Variants in TMEM223 observed in about 807,000 individuals in gnomAD.
TMEM223 encodes transmembrane protein 223.
A neutral mutation model predicts 14.1 loss-of-function variants in TMEM223; 14 were observed. That is an observed-to-expected ratio of 0.99 (90% CI 0.66 to 1.55). The LOEUF (loss-of-function observed/expected upper bound fraction) is 1.55. Ranked by LOEUF, TMEM223 falls within the 40% of genes most tolerant of loss-of-function variation. TMEM223 has a pLI of 0.00. For synonymous variants in TMEM223, 145 were observed against 120.5 expected (o/e 1.20, Z -1.33); for missense variants, 346 against 269.9 (o/e 1.28, Z -1.97).
At chr11:62,786,922 G>A (rs1291294081), downstream of TMEM223, 1 of 1,492,402 alleles carries the variant, frequency 6.7e-7, no homozygotes, top group African/African-American at 1.5e-5. Context: ...CCCGCACGGC[G>A]ACGAGAGCCC....
chr11:62,787,203 G>T (rs374021951), downstream of TMEM223: 48 of 1,588,074 alleles, frequency 3.0e-5, no homozygotes, highest in Non-Finnish European at 3.9e-5. Context: ...GCCCGGCCTC[G>T]CGCTACGTGC....
downstream of TMEM223, among the ~76,000 whole-genome samples, chr11:62,785,867 C>T (rs899148756): frequency 1.3e-5 from 2 of 152,154 alleles, no homozygotes; most frequent in Non-Finnish European, 2.9e-5. Flanking sequence ...TAATCAGAGT[C>T]CAAGTCTCTG....
chr11:62,787,354 C>T (rs1173774710), downstream of TMEM223: 11 of 1,537,432 alleles, frequency 7.2e-6, no homozygotes, highest in African/African-American at 4.2e-5. Flanking sequence ...GACGTCTCCA[C>T]CTTCGTGGGT....
Position 62,790,426 on chromosome 11 carries a change from T to C in TMEM223, c.*197A>G. 1.7e-6 allele frequency: 1 copy of C among 597,706 alleles called. No homozygotes were observed. The highest frequency in any genetic ancestry group is 2.9e-6 in the Non-Finnish European group (1 of 348,854). 37.0% of individuals were successfully genotyped at this position (597,706 alleles called of 1,614,324 possible). A position where few individuals can be genotyped will look rare whatever the true frequency, so the allele number is the denominator to read the frequency against. ...CCCTGGTTGTTACTCCATTCTAAGA[T>C]TGGCGTTTTTTTTTGTTTTTTTTTT... On this transcript the variant is annotated 3_prime_UTR_variant, in exon 2 of 2. Transcript: ENST00000307366.
At chr11:62,772,276 C>G in intron 2 of TMEM223, 1 of 376,130 alleles carries the variant, frequency 2.7e-6, no homozygotes, top group South Asian at 2.0e-5. Flanking sequence ...AATCCTAGCA[C>G]TTTGGGAGGC....
downstream of TMEM223, chr11:62,787,945 C>G: frequency 2.1e-6 from 1 of 486,546 alleles, no homozygotes; most frequent in Non-Finnish European, 4.0e-6. Context: ...GATTGTAGCA[C>G]AGTGTGTTAA....
downstream of TMEM223, among the ~76,000 whole-genome samples, chr11:62,788,772 TTG>T (rs1350763037): frequency 6.6e-6 from 1 of 152,002 alleles, no homozygotes; most frequent in African/African-American, 2.4e-5. Flanking sequence ...AGACCATAAC[TTG>T]TGAGGCTTCT....
Position 62,778,551 on chromosome 11 carries a change from C to T in TMEM223, c.315-3886G>A, listed in dbSNP as rs150081391. ...TAGTCATAATGCAGCATGTTGGATGCTAAGACAGAAGTCTGGGCAGCATGC... is the reference window on the plus strand; with the variant it reads ...TAGTCATAATGCAGCATGTTGGATGTTAAGACAGAAGTCTGGGCAGCATGC... On this transcript the variant is annotated intron_variant, in intron 1 of 2. Coordinates refer to the TMEM223 transcript ENST00000528367. 93 of 640,966 alleles carry T rather than the reference C, an allele frequency of 1.5e-4. No homozygotes were observed. The East Asian group carries it at 2.5e-3, about 17-fold the overall frequency. 39.7% of individuals were successfully genotyped at this position (640,966 alleles called of 1,614,324 possible).
Position 62,791,783 on chromosome 11 carries a change from G to C in TMEM223, c.212C>G (p.Pro71Arg). 6.4e-7 allele frequency: 1 copy of C among 1,569,156 alleles called. No homozygotes were observed. Among genetic ancestry groups the C allele is most frequent in the Non-Finnish European group, 8.6e-7 (1 of 1,157,828 alleles). Residue 71 changes from proline to arginine, a missense_variant, in exon 1 of 2, where the codon CCG becomes CGG. Transcript: ENST00000307366. ...CGCATCCAGAGGCTGCACCGGAACC[G>C]GGGGCCGGGACACGGCTGCCACAGC... is the stretch of plus-strand genomic sequence containing the variant. Reference protein sequence around the residue: ...SMAVAAVSRPPVPVQPLDAEV... With the variant: ...SMAVAAVSRPRVPVQPLDAEV...
intron 1 of TMEM223, chr11:62,779,098 G>A (rs573140961): frequency 3.8e-5 from 25 of 665,272 alleles, no homozygotes; most frequent in East Asian, 3.2e-4. Context: ...TCAGCTCACC[G>A]CACCCTCTGC....
chr11:62,791,198 G>A (rs1474946294), intron 1 of TMEM223, among the ~76,000 whole-genome samples: 1 of 152,152 alleles, frequency 6.6e-6, no homozygotes, highest in Non-Finnish European at 1.5e-5. Context: ...AGGTCGCAGA[G>A]TGAAGGGCAG....
chr11:62,779,952 C>CCATATATATA (rs1332185092), intron 1 of TMEM223, among the ~76,000 whole-genome samples: 2 of 100,056 alleles, frequency 2.0e-5, no homozygotes, highest in African/African-American at 8.9e-5. Context: ...AGGCGTGAGC[C>CCATATATATA]TATATATATA....
intron 1 of TMEM223, chr11:62,779,019 G>GTTTTTT: frequency 7.5e-6 from 7 of 932,542 alleles, no homozygotes; most frequent in South Asian, 1.5e-5. Flanking sequence ...TTCTAGACCT[G>GTTTTTT]TTTTTTTTTT....
chr11:62,782,919 G>C (rs1590937038), downstream of TMEM223: 21 of 1,521,080 alleles, frequency 1.4e-5, no homozygotes. Context: ...AATAGTGTGT[G>C]CCTGCCACTG....
chr11:62,786,510 C>G (rs781258697), downstream of TMEM223: 8 of 1,561,318 alleles, frequency 5.1e-6, no homozygotes, highest in East Asian at 1.6e-4. Context: ...GTCCTTGGCT[C>G]TTACAGGTGG....
downstream of TMEM223, chr11:62,789,621 T>C: frequency 1.9e-6 from 3 of 1,547,648 alleles, no homozygotes; most frequent in Non-Finnish European, 2.6e-6. Context: ...GCCCAGAAAA[T>C]TCCATGGACA....
chr11:62,787,085 C>T (rs1001272030), downstream of TMEM223: 2 of 1,537,510 alleles, frequency 1.3e-6, no homozygotes, highest in Non-Finnish European at 1.7e-6. Context: ...AGCCGTTTCG[C>T]CCCGCGCGGC....
chr11:62,785,761 C>T (rs1201662702), downstream of TMEM223, among the ~76,000 whole-genome samples: 1 of 148,874 alleles, frequency 6.7e-6, no homozygotes, highest in Non-Finnish European at 1.5e-5. Context: ...TCTTGAACTC[C>T]TGACCTCAGG....
chr11:62,791,740 G>A lies in TMEM223; in HGVS notation c.255C>T (p.Gly85=), dbSNP rs1454296973. Residue 85 remains glycine (G), a synonymous_variant, in exon 1 of 2, where the codon GGC becomes GGT. Transcript: ENST00000307366. ...QPLDAEVPNR[G]PFDLRSALWR... is the part of the protein sequence containing the mutation. ...AGAGCGCGGAGCGCAGGTCGAAGGG[G>A]CCACGATTTGGGACCTCCGCATCCA... 100 of 1,560,936 alleles carry A rather than the reference G, an allele frequency of 6.4e-5. No individual in the cohort carries two copies. The highest frequency in any genetic ancestry group is 8.5e-5 in the Non-Finnish European group (98 of 1,153,206).
Sources: allele counts gnomAD v4.1 joint callset (sites outside exome capture counted in the v4.1 genomes callset), GRCh38; gene constraint gnomAD v4.1.1; transcripts MANE v1.5; gene names NCBI Gene and HGNC (gene_info 2026-07-23, HGNC 2026-07-21).